Variants in PPARG observed in about 807,000 individuals in gnomAD.
The protein encoded by PPARG is peroxisome proliferator activated receptor gamma.
Under a neutral mutation model 39.2 loss-of-function variants are expected in PPARG, and 17 were observed. That is an observed-to-expected ratio of 0.43 (90% CI 0.30 to 0.65). The LOEUF (loss-of-function observed/expected upper bound fraction) is 0.65, where lower values mean the gene tolerates loss of function less well. Ranked by LOEUF, PPARG falls within the 30% of genes least tolerant of loss-of-function variation. PPARG has a pLI of 0.13. For synonymous variants in PPARG, 223 were observed against 215.7 expected, an observed-to-expected ratio of 1.03 and a Z score of -0.30; for missense variants, 406 against 585.9, an observed-to-expected ratio of 0.69 and a Z score of 3.17.
intron 7 of PPARG, among the ~76,000 whole-genome samples, chr3:12,428,920 C>A (rs1361270820): frequency 6.6e-6 from 1 of 151,206 alleles, no homozygotes; most frequent in Non-Finnish European, 1.5e-5. Flanking sequence ...GAATTAGAAT[C>A]TTTGAGATTA....
In PPARG at chr3:12,330,295, CT is replaced by C. The variant is rs1291245549; in HGVS notation, c.-9+17849del. On this transcript the variant is annotated intron_variant, in intron 2 of 7. Transcript: ENST00000651735. ...TAATATCTCTACATTGCTACAACACCTTTTTTTAAAAAAAAAAAAAAAAAAA... is the reference window on the plus strand; with the variant it reads ...TAATATCTCTACATTGCTACAACACCTTTTTTAAAAAAAAAAAAAAAAAAA... Among the ~76,000 whole-genome samples the C allele has an allele frequency of 5.9e-4, 72 of 122,008 alleles. 1 individual carries two copies. The highest frequency in any genetic ancestry group is 7.6e-4 in the South Asian group (3 of 3,958). 80.0% of individuals were successfully genotyped at this position (122,008 alleles called of 152,430 possible).
intron 2 of PPARG, among the ~76,000 whole-genome samples, chr3:12,349,062 A>G (rs1408397493): frequency 2.0e-5 from 3 of 152,146 alleles, no homozygotes; most frequent in Non-Finnish European, 2.9e-5. Flanking sequence ...TTCTCATATC[A>G]TTGCATGCCA....
intron 2 of PPARG, among the ~76,000 whole-genome samples, chr3:12,336,308 C>G (rs926921455): frequency 1.3e-5 from 2 of 152,062 alleles, no homozygotes; most frequent in African/African-American, 4.8e-5. Context: ...AGGAGGATAA[C>G]CAGGTCAGGA....
chr3:12,301,349 A>G (rs2046921396), intron 1 of PPARG, among the ~76,000 whole-genome samples: 2 of 152,244 alleles, frequency 1.3e-5, no homozygotes, highest in Admixed American at 6.5e-5. Flanking sequence ...CTACTCATGC[A>G]TAAAATAAAA....
intron 5 of PPARG, among the ~76,000 whole-genome samples, chr3:12,393,190 A>ATTTTTTTTT (rs143287325): frequency 8.1e-5 from 9 of 111,522 alleles, no homozygotes; most frequent in South Asian, 3.1e-4. Context: ...GATTCATTTA[A>ATTTTTTTTT]TTTTTTTTTT....
chr3:12,385,054 T>G (rs766498074), intron 4 of PPARG, among the ~76,000 whole-genome samples: 1 of 152,142 alleles, frequency 6.6e-6, no homozygotes, highest in Non-Finnish European at 1.5e-5. Context: ...TACTGCTGCA[T>G]TAGACCAGTG....
rs548502816 is a variant in PPARG, at chr3:12,309,523, A to G, written c.-82-2857A>G. Among the ~76,000 whole-genome samples the G allele has an allele frequency of 2.8e-3, 421 of 152,314 alleles. 2 individuals carry two copies. The highest frequency in any genetic ancestry group is 9.4e-3 in the African/African-American group (389 of 41,576). On this transcript the variant is annotated intron_variant, in intron 1 of 7. Transcript: ENST00000651735. Reference sequence around the variant, plus strand: ...TTTTTCTCTGTTGTCAGGTTTTAATATCAGTGTTATGACACTCCAGAAAAG... The same window carrying G: ...TTTTTCTCTGTTGTCAGGTTTTAATGTCAGTGTTATGACACTCCAGAAAAG...
chr3:12,319,254 C>T (rs537184946), intron 2 of PPARG, among the ~76,000 whole-genome samples: 10 of 152,078 alleles, frequency 6.6e-5, no homozygotes, highest in Non-Finnish European at 5.9e-5. Flanking sequence ...TTCTTATCTG[C>T]GAAGGAAGTA....
rs78764117 is a variant in PPARG at position 12,411,827 on chromosome 3, A to T, written c.730-4877A>T. On this transcript the variant is annotated intron_variant, in intron 6 of 7. Coordinates refer to ENST00000651735, the MANE Select transcript of PPARG (RefSeq NM_138711.6). ...AGGAAACCAAACCAATGAGTTTTGG[A>T]TTGTAGCTAACCGAGGAGAACCAGG... Among the ~76,000 whole-genome samples the T allele has an allele frequency of 4.0e-3, 610 of 152,274 alleles. 6 individuals are homozygous for T. The highest frequency in any genetic ancestry group is 0.013 in the African/African-American group (558 of 41,564).
intron 2 of PPARG, among the ~76,000 whole-genome samples, chr3:12,320,104 A>G (rs1234882412): frequency 1.3e-5 from 2 of 152,206 alleles, no homozygotes; most frequent in South Asian, 2.1e-4. Context: ...CTTATGCTGC[A>G]TACAGAGGTA....
At position 12,381,290 on chromosome 3, in the gene PPARG, A is replaced by G. The variant is rs763646361; in HGVS notation, c.221-32A>G. 3.7e-6 allele frequency: 6 copies of G among 1,607,330 alleles called. No homozygotes were observed. The Admixed American group carries it at 1.0e-4, about 27-fold the overall frequency. On this transcript the variant is annotated intron_variant, in intron 3 of 7. Transcript: ENST00000651735. ...GCCTTTTTAGGACTGTTTTCATGGG[A>G]TAATTATCCTCTCACATGTCTCCAT...
intron 5 of PPARG, among the ~76,000 whole-genome samples, chr3:12,400,104 T>G (rs1559525369): frequency 6.6e-6 from 1 of 152,200 alleles, no homozygotes; most frequent in Non-Finnish European, 1.5e-5. Context: ...AGACATAGCC[T>G]TACTATTTTT....
intron 5 of PPARG, among the ~76,000 whole-genome samples, chr3:12,395,477 G>A (rs1477907327): frequency 6.6e-6 from 1 of 152,186 alleles, no homozygotes; most frequent in African/African-American, 2.4e-5. Context: ...AGTATAAATG[G>A]CATCCTAGGC....
At chr3:12,362,620 G>A (rs1236903360) in intron 2 of PPARG, among the ~76,000 whole-genome samples, 3 of 152,030 alleles carry the variant, frequency 2.0e-5, no homozygotes, top group South Asian at 2.1e-4. Flanking sequence ...AGTAATGTTA[G>A]TTTTAGTTTT....
intron 6 of PPARG, among the ~76,000 whole-genome samples, chr3:12,415,442 T>C (rs144916976): frequency 6.6e-6 from 1 of 152,370 alleles, no homozygotes; most frequent in East Asian, 1.9e-4. Context: ...TAACTCCTTA[T>C]GTGTCATTCA....
At chr3:12,359,826 C>G (rs1415831589) in intron 2 of PPARG, among the ~76,000 whole-genome samples, 3 of 152,020 alleles carry the variant, frequency 2.0e-5, no homozygotes, top group Non-Finnish European at 4.4e-5. Context: ...AGGCACCCAC[C>G]ACCACGCCTG....
rs149996219 is a variant in PPARG at position 12,298,335 on chromosome 3, A to T, written c.-83+9201A>T. Reference sequence around the variant, plus strand: ...AAAAAAAAAAAAAAAAAAGAAATGTAAAATAGCAAGCGAGTAGAGGTTTCC... The same window carrying T: ...AAAAAAAAAAAAAAAAAAGAAATGTTAAATAGCAAGCGAGTAGAGGTTTCC... On this transcript the variant is annotated intron_variant, in intron 1 of 7. Transcript: ENST00000651735. Among the ~76,000 whole-genome samples the T allele has an allele frequency of 5.6e-3, 833 of 149,048 alleles. 9 individuals carry two copies. Among genetic ancestry groups the T allele is most frequent in the Non-Finnish European group, 9.0e-3 (607 of 67,538 alleles).
At chr3:12,337,976 G>T (rs186723164) in intron 2 of PPARG, among the ~76,000 whole-genome samples, 1 of 152,052 alleles carries the variant, frequency 6.6e-6, no homozygotes, top group Non-Finnish European at 1.5e-5. Context: ...TATCCACAAC[G>T]TCCTGGAACC....
intron 2 of PPARG, among the ~76,000 whole-genome samples, chr3:12,338,228 A>G (rs981596460): frequency 2.0e-5 from 3 of 152,222 alleles, no homozygotes; most frequent in African/African-American, 7.2e-5. Flanking sequence ...GAAAGGCTCA[A>G]TGAGATTAAC....
Sources: allele counts gnomAD v4.1 joint callset (sites outside exome capture counted in the v4.1 genomes callset), GRCh38; gene constraint gnomAD v4.1.1; transcripts MANE v1.5; gene names NCBI Gene and HGNC (gene_info 2026-07-23, HGNC 2026-07-21).